Variants in EPB41L3 observed in about 807,000 individuals in gnomAD.
EPB41L3 encodes erythrocyte membrane protein band 4.1 like 3, also known as band 4.1-like protein 3.
A neutral mutation model predicts 127.1 loss-of-function variants in EPB41L3; 57 were observed. That is an observed-to-expected ratio of 0.45 (90% CI 0.36 to 0.56). EPB41L3 has a LOEUF of 0.56. Ranked by LOEUF, EPB41L3 falls within the 20% of genes least tolerant of loss-of-function variation. EPB41L3 has a pLI of 0.00. For missense variants in EPB41L3, 1,273 were observed against 1,372.2 expected (o/e 0.93, Z 1.14); for synonymous variants, 572 against 549.5 (o/e 1.04, Z -0.57).
intron 3 of EPB41L3, among the ~76,000 whole-genome samples, chr18:5,601,247 A>C (rs1431969478): frequency 2.0e-5 from 3 of 152,126 alleles, no homozygotes; most frequent in African/African-American, 7.2e-5. Context: ...AATGGACTGT[A>C]ACTAGAGAAG....
At chr18:5,600,782 A>G (rs2094582363) in intron 3 of EPB41L3, among the ~76,000 whole-genome samples, 1 of 152,220 alleles carries the variant, frequency 6.6e-6, no homozygotes, top group Admixed American at 6.5e-5. Flanking sequence ...TTTACTACAG[A>G]GAAGAAGTAG....
At position 5,586,565 on chromosome 18, in the gene EPB41L3, A is replaced by ATTTT. The variant is rs10669405; in HGVS notation, c.-306+25771_-306+25774dup. Among the ~76,000 whole-genome samples, 379 of 125,974 alleles carry ATTTT rather than the reference A, an allele frequency of 3.0e-3. 9 individuals are homozygous for ATTTT. The highest frequency in any genetic ancestry group is 8.3e-3 in the Middle Eastern group (2 of 240). The allele number at this position is 125,974 out of a possible 152,430, so 82.6% of individuals were successfully genotyped here. ...CAGATGTGCACCACCATACATGACTATTTTTTTTTTTTTTTTTGTAGAGAT... is the reference window on the plus strand; with the variant it reads ...CAGATGTGCACCACCATACATGACTATTTTTTTTTTTTTTTTTTTTTGTAGAGAT... On this transcript the variant is annotated intron_variant, in intron 3 of 21. Transcript: ENST00000545076.
Position 5,445,255 on chromosome 18 carries a change from C to A in EPB41L3, c.382-11G>T, listed in dbSNP as rs757166615. 1.2e-6 allele frequency: 2 copies of A among 1,603,588 alleles called. No homozygotes were observed. The highest frequency in any genetic ancestry group is 1.1e-5 in the South Asian group (1 of 90,738). On this transcript the variant is annotated splice_polypyrimidine_tract_variant and intron_variant, in intron 3 of 22. Coordinates refer to ENST00000341928, the MANE Select transcript of EPB41L3 (RefSeq NM_012307.5). The stretch of plus-strand genomic sequence containing the variant: ...TCCTCTGGAGCGTTTCTACAGAAAA[C>A]AGAATAGCAAAGCAAGTCAATACAA...
chr18:5,533,448 T>C (rs2093473349), intron 1 of EPB41L3, among the ~76,000 whole-genome samples: 1 of 152,244 alleles, frequency 6.6e-6, no homozygotes, highest in Non-Finnish European at 1.5e-5. Flanking sequence ...TAATGTAGTC[T>C]GACCATTTAC....
At chr18:5,442,804 A>G (rs1031778304) in intron 5 of EPB41L3, among the ~76,000 whole-genome samples, 1 of 152,200 alleles carries the variant, frequency 6.6e-6, no homozygotes. Context: ...CCTCCTTCTC[A>G]ACCCCGACAC....
chr18:5,425,881 T>TG (rs1401411459), intron 9 of EPB41L3, among the ~76,000 whole-genome samples: 3 of 152,228 alleles, frequency 2.0e-5, no homozygotes, highest in African/African-American at 7.2e-5. Flanking sequence ...ACCTGGCAGG[T>TG]GCTCCTGTTG....
At chr18:5,529,933 TG>T in intron 1 of EPB41L3, among the ~76,000 whole-genome samples, 1 of 142,190 alleles carries the variant, frequency 7.0e-6, no homozygotes, top group Non-Finnish European at 1.5e-5. Flanking sequence ...CATATATGTG[TG>T]TGTGTGTGTG....
At chr18:5,630,572 A>C (rs2094982907), upstream of EPB41L3, 1 of 510,606 alleles carries the variant, frequency 2.0e-6, no homozygotes, top group Admixed American at 2.0e-5. Context: ...GAGCTCCTGG[A>C]GGCTGGAAGG....
rs530525710 is a variant in EPB41L3 at position 5,533,981 on chromosome 18, A to T, written c.-12+9932T>A. On this transcript the variant is annotated intron_variant, in intron 1 of 22. Coordinates refer to ENST00000341928, the MANE Select transcript of EPB41L3 (RefSeq NM_012307.5). ...AGATCGAGACCAGCCTGGCTAACAC[A>T]GTGAAACCCCGTCTCCACTAAAATA... is the stretch of plus-strand genomic sequence containing the variant. Among the ~76,000 whole-genome samples the T allele has an allele frequency of 3.3e-5, 5 of 152,202 alleles. No individual in the cohort carries two copies. In the South Asian group the frequency reaches 8.3e-4, roughly 25 times the overall value.
At chr18:5,435,414 T>A (rs1476041557) in intron 6 of EPB41L3, among the ~76,000 whole-genome samples, 1 of 152,206 alleles carries the variant, frequency 6.6e-6, no homozygotes, top group African/African-American at 2.4e-5. Flanking sequence ...CCTACACAGG[T>A]GTACCATTAA....
intron 3 of EPB41L3, among the ~76,000 whole-genome samples, chr18:5,607,814 A>C (rs955377065): frequency 6.6e-6 from 1 of 152,152 alleles, no homozygotes; most frequent in Non-Finnish European, 1.5e-5. Flanking sequence ...TCATGAAAGA[A>C]CTTTACGTAA....
At chr18:5,535,108 C>A (rs139149690) in intron 1 of EPB41L3, among the ~76,000 whole-genome samples, 1 of 152,066 alleles carries the variant, frequency 6.6e-6, no homozygotes, top group South Asian at 2.1e-4. Context: ...GAACCGCACA[C>A]GTGAGGGATC....
At chr18:5,521,034 A>C (rs944188412) in intron 1 of EPB41L3, among the ~76,000 whole-genome samples, 5 of 152,342 alleles carry the variant, frequency 3.3e-5, no homozygotes, top group African/African-American at 1.2e-4. Context: ...ATATTAACTG[A>C]AATCCTTGTC....
chr18:5,588,482 A>G (rs2143459878), intron 3 of EPB41L3, among the ~76,000 whole-genome samples: 1 of 151,842 alleles, frequency 6.6e-6, no homozygotes, highest in South Asian at 2.1e-4. Flanking sequence ...TGTCATATAT[A>G]TACACATAAA....
intron 16 of EPB41L3, chr18:5,399,751 G>C (rs2074185093): frequency 1.2e-5 from 2 of 164,576 alleles, no homozygotes; most frequent in Non-Finnish European, 2.6e-5. Flanking sequence ...CATGTGTGGG[G>C]ATAAAAGTTT....
upstream of EPB41L3, among the ~76,000 whole-genome samples, chr18:5,629,883 CAG>C (rs1365294785): frequency 3.3e-5 from 5 of 152,260 alleles, no homozygotes; most frequent in African/African-American, 9.6e-5. Flanking sequence ...GGCAAAAGCA[CAG>C]AGTCTCGGAA....
rs539411585 is a variant in EPB41L3 at position 5,593,243 on chromosome 18, G to A, written c.-306+19097C>T. 1.5e-4 allele frequency among the ~76,000 whole-genome samples: 21 copies of A among 138,244 alleles called. No homozygotes were observed. The East Asian group carries it at 2.5e-3, about 17-fold the overall frequency. 90.7% of individuals were successfully genotyped at this position (138,244 alleles called of 152,430 possible). On this transcript the variant is annotated intron_variant, in intron 3 of 21. Coordinates refer to the EPB41L3 transcript ENST00000545076. ...ATCGGGGGAAATTCAGCCAGATATC[G>A]GGCAAAATTCACCCCTGATATTTCA...
At chr18:5,478,185 C>T in intron 3 of EPB41L3, 56 bp downstream of exon 3, 2 of 1,504,172 alleles carry the variant, frequency 1.3e-6, no homozygotes, top group South Asian at 1.2e-5. Context: ...TATTTTATAC[C>T]AACATTCCCC....
intron 6 of EPB41L3, among the ~76,000 whole-genome samples, chr18:5,434,780 C>T (rs2079514744): frequency 6.6e-6 from 1 of 152,304 alleles, no homozygotes; most frequent in Admixed American, 6.5e-5. Context: ...TTTATGTATT[C>T]ACTATGCTAT....
Sources: allele counts gnomAD v4.1 joint callset (sites outside exome capture counted in the v4.1 genomes callset), GRCh38; gene constraint gnomAD v4.1.1; transcripts MANE v1.5; gene names NCBI Gene and HGNC (gene_info 2026-07-23, HGNC 2026-07-21).